The following TET2 variants were observed in gnomAD, a reference collection of about 807,000 sequenced individuals.
TET2 encodes the protein tet methylcytosine dioxygenase 2, also known as methylcytosine dioxygenase TET2.
In TET2, 299 loss-of-function variants were observed where a neutral mutation model predicts 142.9. The observed-to-expected ratio is 2.09, with a 90% CI of 1.90 to 2.30. The LOEUF (loss-of-function observed/expected upper bound fraction) is 2.30, where lower values mean the gene tolerates loss of function less well. TET2 is among the 30% of genes most tolerant of loss of function. TET2 has a pLI of 0.00. For missense variants in TET2, 2,418 were observed against 2,378.0 expected, an observed-to-expected ratio of 1.02 and a Z score of -0.35; for synonymous variants, 819 against 849.0, an observed-to-expected ratio of 0.96 and a Z score of 0.61.
At chr4:105,239,504 C>A (rs961795912) in intron 3 of TET2, 2 of 238,578 alleles carry the variant, frequency 8.4e-6, no homozygotes, top group Non-Finnish European at 1.8e-5. Context: ...GCTTCTTAAA[C>A]TTTATAAACC....
intron 1 of TET2, among the ~76,000 whole-genome samples, chr4:105,176,323 A>G (rs1724793103): frequency 6.6e-6 from 1 of 152,196 alleles, no homozygotes; most frequent in Admixed American, 6.5e-5. Flanking sequence ...AATGAAAAGC[A>G]TACAGATTCC....
intron 6 of TET2, among the ~76,000 whole-genome samples, chr4:105,246,877 T>G (rs528176501): frequency 6.6e-6 from 1 of 152,332 alleles, no homozygotes; most frequent in East Asian, 1.9e-4. Context: ...AAAAACTGAT[T>G]TTTACATTTC....
intron 8 of TET2, among the ~76,000 whole-genome samples, chr4:105,264,700 T>G (rs908014741): frequency 2.6e-5 from 4 of 152,206 alleles, no homozygotes; most frequent in Non-Finnish European, 5.9e-5. Context: ...TATTGCATGG[T>G]AGGTACTATT....
chr4:105,226,211 A>G (rs1262419355), intron 2 of TET2, among the ~76,000 whole-genome samples: 2 of 152,164 alleles, frequency 1.3e-5, no homozygotes, highest in East Asian at 1.9e-4. Flanking sequence ...GAGAGCTGCC[A>G]GAGTGCTTAG....
At chr4:105,163,854 A>AGAGAGAGAGAGAGAGAGAGTGTGT (rs1553942671) in intron 1 of TET2, among the ~76,000 whole-genome samples, 1 of 85,240 alleles carries the variant, frequency 1.2e-5, no homozygotes, top group Non-Finnish European at 2.4e-5. Context: ...AGAGAGAGAG[A>AGAGAGAGAGAGAGAGAGAGTGTGT]GTGTGTGTGT....
intron 2 of TET2, among the ~76,000 whole-genome samples, chr4:105,217,285 A>T (rs1052773306): frequency 1.3e-5 from 2 of 152,040 alleles, no homozygotes; most frequent in Non-Finnish European, 2.9e-5. Flanking sequence ...CTGGAAGAAG[A>T]TAGTTTAGTT....
intron 1 of TET2, among the ~76,000 whole-genome samples, chr4:105,185,430 CT>C (rs993417167): frequency 2.6e-5 from 4 of 151,950 alleles, no homozygotes; most frequent in African/African-American, 7.3e-5. Context: ...TTTTTATTGT[CT>C]TTTTTTTCTA....
At chr4:105,166,352 A>G (rs1724147348) in intron 1 of TET2, among the ~76,000 whole-genome samples, 1 of 151,988 alleles carries the variant, frequency 6.6e-6, no homozygotes, top group African/African-American at 2.4e-5. Flanking sequence ...TAAGCATTCA[A>G]TTTTTCTTGA....
intron 10 of TET2, 63 bp from the exon 11 acceptor site, chr4:105,274,985 C>T: frequency 2.1e-6 from 3 of 1,458,038 alleles, no homozygotes; most frequent in Non-Finnish European, 1.8e-6. Context: ...CCTCACTAGC[C>T]TTCATAAAAT....
At chr4:105,194,102 T>G (rs927390386) in intron 2 of TET2, among the ~76,000 whole-genome samples, 8 of 152,144 alleles carry the variant, frequency 5.3e-5, no homozygotes, top group African/African-American at 1.9e-4. Flanking sequence ...GTCTCCATAC[T>G]GAGACTCTCC....
chr4:105,155,188 G>C (rs1723504467), intron 1 of TET2, among the ~76,000 whole-genome samples: 1 of 152,178 alleles, frequency 6.6e-6, no homozygotes, highest in African/African-American at 2.4e-5. Context: ...AAAACTTTGA[G>C]TTTGTTAACT....
chr4:105,197,997 C>G (rs1726190490), intron 2 of TET2, among the ~76,000 whole-genome samples: 1 of 152,226 alleles, frequency 6.6e-6, no homozygotes, highest in East Asian at 1.9e-4. Flanking sequence ...CCTAGAGTAG[C>G]AACGTAGAAA....
At chr4:105,221,893 T>C (rs1265549185) in intron 2 of TET2, among the ~76,000 whole-genome samples, 1 of 127,820 alleles carries the variant, frequency 7.8e-6, no homozygotes, top group African/African-American at 3.0e-5. Context: ...GTCCCCAGAG[T>C]GTGATGTTCC....
At chr4:105,182,786 G>T (rs1387675145) in intron 1 of TET2, among the ~76,000 whole-genome samples, 1 of 151,938 alleles carries the variant, frequency 6.6e-6, no homozygotes, top group African/African-American at 2.4e-5. Context: ...ATTTTATTTT[G>T]TAGTTTGCCA....
Position 105,276,057 on chromosome 4 carries a change from CA to C in TET2, c.5548del (p.Ser1850AlafsTer37). ...AGGACAACGATGAGGTCTGGTCAGA[CA>C]GCGAGCAGAGCTTTCTGGATCCTGA... The part of the protein sequence containing the change: ...AEDNDEVWSD[S>X]EQSFLDPDIG... On this transcript the variant is annotated frameshift_variant, in exon 11 of 11. Transcript: ENST00000380013. LOFTEE classifies it high-confidence loss of function. 6.4e-7 allele frequency: 1 copy of C among 1,551,686 alleles called. No homozygotes were observed.
intron 3 of TET2, chr4:105,239,194 A>C (rs1034925021): frequency 4.1e-6 from 1 of 242,238 alleles, no homozygotes; most frequent in Non-Finnish European, 8.7e-6. Context: ...CTACACAAGC[A>C]GGGTACACTT....
rs1007110343 is a variant in TET2, at chr4:105,261,788, C to T, written c.3984C>T (p.Asn1328=). 1.3e-6 allele frequency: 2 copies of T among 1,549,226 alleles called. No homozygotes were observed. Among genetic ancestry groups the T allele is most frequent in the Admixed American group, 2.0e-5 (1 of 50,826 alleles). Residue 1328 remains asparagine, a synonymous_variant, in exon 8 of 11, where the codon AAC becomes AAT. Transcript: ENST00000380013. ...EEEKLESHLQ[N]LSTLMAPTYK... is the part of the protein sequence containing the mutation. ...AGAAACTGGAGTCTCATTTGCAAAA[C>T]CTGTCCACTCTTATGGCACCAACAT...
Position 105,276,059 on chromosome 4 carries a change from G to T in TET2, c.5549G>T (p.Ser1850Ile). 6.4e-7 allele frequency: 1 copy of T among 1,551,716 alleles called. No individual in the cohort carries two copies. Residue 1850 changes from serine to isoleucine, a missense_variant, in exon 11 of 11, where the codon AGC becomes ATC. Physicochemically the swap from Ser to Ile is moderately radical, Grantham distance 142. Coordinates refer to ENST00000380013, the MANE Select transcript of TET2 (RefSeq NM_001127208.3). ...AEDNDEVWSDSEQSFLDPDIG... is the reference protein window; with the variant it reads ...AEDNDEVWSDIEQSFLDPDIG... ...GACAACGATGAGGTCTGGTCAGACA[G>T]CGAGCAGAGCTTTCTGGATCCTGAC...
At chr4:105,157,619 A>G (rs1248147049) in intron 1 of TET2, among the ~76,000 whole-genome samples, 3 of 152,192 alleles carry the variant, frequency 2.0e-5, no homozygotes, top group Admixed American at 6.5e-5. Context: ...TTTCTACTGA[A>G]AAGCAAACTT....
Sources: allele counts gnomAD v4.1 joint callset (sites outside exome capture counted in the v4.1 genomes callset), GRCh38; gene constraint gnomAD v4.1.1; transcripts MANE v1.5; gene names NCBI Gene and HGNC (gene_info 2026-07-23, HGNC 2026-07-21).